CGA: variants seen among roughly 807,000 people sequenced by gnomAD.
CGA encodes glycoprotein hormones, alpha polypeptide.
Under a neutral mutation model 12.0 loss-of-function variants are expected in CGA, and 4 were observed. The observed-to-expected ratio is 0.33, with a 90% CI of 0.16 to 0.76. CGA has a LOEUF of 0.76. Ranked by LOEUF, CGA falls within the 30% of genes least tolerant of loss-of-function variation. CGA has a pLI of 0.60. For missense variants in CGA, 102 were observed against 143.5 expected, an observed-to-expected ratio of 0.71 and a Z score of 1.48; for synonymous variants, 60 against 56.6, an observed-to-expected ratio of 1.06 and a Z score of -0.27.
chr6:87,091,107 C>T (rs1769425581), intron 1 of CGA, among the ~76,000 whole-genome samples: 1 of 152,148 alleles, frequency 6.6e-6, no homozygotes, highest in African/African-American at 2.4e-5. Flanking sequence ...TATGAAAATT[C>T]AGCCATTATG....
chr6:87,093,154 G>T (rs1769472295), intron 1 of CGA, among the ~76,000 whole-genome samples: 1 of 152,158 alleles, frequency 6.6e-6, no homozygotes, highest in South Asian at 2.1e-4. Flanking sequence ...CTACACATTA[G>T]AGAATTTAAA....
chr6:87,092,932 G>T (rs1031045868), intron 1 of CGA, among the ~76,000 whole-genome samples: 1 of 151,566 alleles, frequency 6.6e-6, no homozygotes, highest in African/African-American at 2.4e-5. Context: ...GTGGTTTTTT[G>T]TGTTTGTTTT....
At chr6:87,086,870 G>T (rs544121269) in intron 2 of CGA, among the ~76,000 whole-genome samples, 1 of 152,248 alleles carries the variant, frequency 6.6e-6, no homozygotes, top group Non-Finnish European at 1.5e-5. Flanking sequence ...CAGAGGTTAG[G>T]AATTCGAGAC....
intron 1 of CGA, among the ~76,000 whole-genome samples, chr6:87,089,486 C>T (rs1048559671): frequency 2.0e-5 from 3 of 152,150 alleles, no homozygotes; most frequent in Admixed American, 2.0e-4. Flanking sequence ...AATGAGGGAA[C>T]AAGCTGAAGG....
intron 1 of CGA, among the ~76,000 whole-genome samples, chr6:87,090,013 A>T (rs1210390443): frequency 3.3e-5 from 5 of 152,166 alleles, no homozygotes; most frequent in Admixed American, 3.3e-4. Flanking sequence ...AAAATCTAAA[A>T]CACCTTTCAT....
chr6:87,085,883 T>C (rs775554062), intron 3 of CGA, 50 bp from the exon 4 acceptor site: 2 of 1,230,432 alleles, frequency 1.6e-6, no homozygotes, highest in Admixed American at 1.8e-5. Flanking sequence ...GATAGATAGA[T>C]AGATAGAGAC....
intron 1 of CGA, among the ~76,000 whole-genome samples, chr6:87,093,597 T>G (rs1489285988): frequency 6.6e-6 from 1 of 152,220 alleles, no homozygotes; most frequent in Non-Finnish European, 1.5e-5. Context: ...TCAAAAGAAA[T>G]GTAAGTTCAC....
rs1416653490 is a variant in CGA at position 87,086,387 on chromosome 6, C to T, written c.136G>A (p.Gly46Ser). 2.5e-6 allele frequency: 4 copies of T among 1,613,294 alleles called. No individual in the cohort carries two copies. The highest frequency in any genetic ancestry group is 4.5e-5 in the East Asian group (2 of 44,886). Residue 46 changes from glycine to serine, a missense_variant, in exon 3 of 4, where the codon GGT becomes AGT. Gly to Ser is a moderately conservative substitution (Grantham distance 56). Transcript: ENST00000627148. Reference protein sequence around the residue: ...LQENPFFSQPGAPILQCMGCC... With the variant: ...LQENPFFSQPSAPILQCMGCC... ...CCCATGCACTGAAGTATTGGGGCAC[C>T]CGGCTGGGAGAAGAATGGGTTTTCC...
chr6:87,087,931 T>C (rs886687409), intron 2 of CGA, 182 bp downstream of exon 2: 54 of 395,578 alleles, frequency 1.4e-4, no homozygotes, highest in African/African-American at 8.7e-4. Context: ...TCATTTTCAC[T>C]GCACATTTTC....
At chr6:87,091,016 A>G (rs771753167) in intron 1 of CGA, among the ~76,000 whole-genome samples, 2 of 152,162 alleles carry the variant, frequency 1.3e-5, no homozygotes, top group Non-Finnish European at 2.9e-5. Context: ...ACACAAAGCC[A>G]TAAGGAAATG....
rs761576938 is a variant in CGA, at chr6:87,086,232, G to C, written c.273+18C>G. The C allele has an allele frequency of 1.3e-6, 2 of 1,595,452 alleles. No individual in the cohort carries two copies. Among genetic ancestry groups the C allele is most frequent in the African/African-American group, 2.7e-5 (2 of 73,956 alleles). ...GATTGGGCTGTTAGAAAGCTTCTGG[G>C]GATCTTGAGGTTCTTACCCTGTTAT... is the stretch of plus-strand genomic sequence containing the variant. On this transcript the variant is annotated intron_variant, in intron 3 of 3. Transcript: ENST00000627148.
At position 87,088,220 on chromosome 6, in the gene CGA, A is replaced by G; in HGVS notation, c.-7-13T>C. On this transcript the variant is annotated splice_polypyrimidine_tract_variant and intron_variant, in intron 1 of 3. Coordinates refer to ENST00000627148, the MANE Select transcript of CGA (RefSeq NM_000735.4). Reference sequence around the variant, plus strand: ...ATCCATGGCGCTCCTGCAGACAGACATGGCAAAAAAAAAAAAACAAAAAAC... The same window carrying G: ...ATCCATGGCGCTCCTGCAGACAGACGTGGCAAAAAAAAAAAAACAAAAAAC... 1.7e-6 allele frequency: 2 copies of G among 1,179,422 alleles called. No individual in the cohort carries two copies. The highest frequency in any genetic ancestry group is 2.2e-6 in the Non-Finnish European group (2 of 900,652). 73.1% of individuals were successfully genotyped at this position (1,179,422 alleles called of 1,614,324 possible).
chr6:87,093,429 C>A (rs1370259337), intron 1 of CGA, among the ~76,000 whole-genome samples: 1 of 152,156 alleles, frequency 6.6e-6, no homozygotes, highest in Admixed American at 6.5e-5. Flanking sequence ...GCCTGGTGAA[C>A]CAAGAAATTG....
At chr6:87,086,191 C>G (rs1295865324) in intron 3 of CGA, 59 bp downstream of exon 3, 3 of 1,480,686 alleles carry the variant, frequency 2.0e-6, no homozygotes, top group Admixed American at 2.0e-5. Context: ...TGGGTGGGCT[C>G]TATGAACATT....
chr6:87,091,970 G>C (rs914942161), intron 1 of CGA, among the ~76,000 whole-genome samples: 1 of 152,006 alleles, frequency 6.6e-6, no homozygotes, highest in Non-Finnish European at 1.5e-5. Flanking sequence ...CCGAGATTGC[G>C]CCACTGCACT....
At chr6:87,087,579 C>A (rs897575388) in intron 2 of CGA, 1 of 152,108 alleles carries the variant, frequency 6.6e-6, no homozygotes, top group Non-Finnish European at 1.5e-5. Context: ...GCACTTGGGA[C>A]CTGGATTAAA....
intron 3 of CGA, 70 bp from the exon 4 acceptor site, chr6:87,085,903 GA>G (rs1769312879): frequency 9.6e-7 from 1 of 1,046,300 alleles, no homozygotes; most frequent in Non-Finnish European, 1.5e-6. Flanking sequence ...CAAAATTGAA[GA>G]ATATTACATA....
At position 87,088,122 on chromosome 6, in the gene CGA, C is replaced by T. The variant is rs769198130; in HGVS notation, c.79G>A (p.Asp27Asn). ...AAATTTGGTCACGCACCCTGCACAT[C>T]AGGAGCGGAATGGAGAACATGCAGA... ...VFLHVLHSAP[D>N]VQDCPECTLQ... Residue 27 changes from aspartate to asparagine, a missense_variant, in exon 2 of 4, where the codon GAT becomes AAT. Asp to Asn is a conservative substitution (Grantham distance 23). Transcript: ENST00000627148. 3 of 1,594,326 alleles carry T rather than the reference C, an allele frequency of 1.9e-6. No homozygotes were observed. The highest frequency in any genetic ancestry group is 2.6e-6 in the Non-Finnish European group (3 of 1,168,832).
intron 1 of CGA, among the ~76,000 whole-genome samples, chr6:87,093,909 C>A (rs1363396581): frequency 1.3e-5 from 2 of 151,878 alleles, no homozygotes; most frequent in Non-Finnish European, 1.5e-5. Context: ...CTTAAGAAAA[C>A]CAAAGTTGAA....
Sources: allele counts gnomAD v4.1 joint callset (sites outside exome capture counted in the v4.1 genomes callset), GRCh38; gene constraint gnomAD v4.1.1; transcripts MANE v1.5; gene names NCBI Gene and HGNC (gene_info 2026-07-23, HGNC 2026-07-21).